MATK: variants seen among roughly 807,000 people sequenced by gnomAD.
MATK encodes megakaryocyte-associated tyrosine-protein kinase.
Under a neutral mutation model 59.8 loss-of-function variants are expected in MATK, and 41 were observed. That is an observed-to-expected ratio of 0.69 (90% CI 0.53 to 0.89). The LOEUF is 0.89. Among genes scored for constraint, MATK ranks in the 40% least tolerant of loss-of-function variants. The pLI is 0.00. For synonymous variants in MATK, 308 were observed against 306.1 expected (o/e 1.01, Z -0.06); for missense variants, 593 against 719.6 (o/e 0.82, Z 2.01).
In MATK at chr19:3,778,571, A is replaced by G. The variant is rs1339567188; in HGVS notation, c.1222T>C (p.Trp408Arg). 6.2e-7 allele frequency: 1 copy of G among 1,613,438 alleles called. No homozygotes were observed. The highest frequency in any genetic ancestry group is 8.5e-7 in the Non-Finnish European group (1 of 1,179,780). Residue 408 changes from tryptophan to arginine, a missense_variant, in exon 13 of 14, where the codon TGG becomes CGG. Physicochemically the swap from Trp to Arg is moderately radical, Grantham distance 101 (BLOSUM62 -3). Transcript: ENST00000310132. ...TCCCAGAGCAGCACCCCAAAACTCC[A>G]GACATCCGACTTGCTGGTGAACTTC... ...HGKFTSKSDV[W>R]SFGVLLWEVF...
intron 11 of MATK, 84 bp from the exon 12 acceptor site, chr19:3,779,271 C>G: frequency 6.4e-7 from 1 of 1,552,776 alleles, no homozygotes. Context: ...CCTGGGGCCA[C>G]AAGCTCACAA....
At chr19:3,786,438 GC>G, upstream of MATK, 1 of 970,578 alleles carries the variant, frequency 1.0e-6, no homozygotes, top group Non-Finnish European at 1.2e-6. This position sits in a 1 kb window ranked among gnomAD's most constrained non-coding sequence, Gnocchi z 4.1. Flanking sequence ...CGCCTCCGCG[GC>G]CCCCGGCGCC....
intron 7 of MATK, among the ~76,000 whole-genome samples, chr19:3,782,119 C>T (rs1004144304): frequency 3.3e-5 from 5 of 152,174 alleles, no homozygotes; most frequent in Non-Finnish European, 7.4e-5. Flanking sequence ...CTACACAGTT[C>T]TTTACCTCTG....
intron 2 of MATK, 88 bp downstream of exon 2, chr19:3,784,976 C>A: frequency 6.9e-7 from 1 of 1,458,904 alleles, no homozygotes; most frequent in Non-Finnish European, 9.6e-7. Context: ...GGGGCGATGG[C>A]TGGGCAGGCA....
In MATK at chr19:3,781,597, C is replaced by T. The variant is rs201727713; in HGVS notation, c.742+10G>A. 9.4e-5 allele frequency: 152 copies of T among 1,613,814 alleles called. No homozygotes were observed. Among genetic ancestry groups the T allele is most frequent in the South Asian group, 7.1e-4 (65 of 91,080 alleles). On this transcript the variant is annotated intron_variant, in intron 8 of 13. Transcript: ENST00000310132. ...TTCCTTCAGCACCCCCAACCCAGTC[C>T]GCCACTCACCTCCAAACTCTCCCTC...
At chr19:3,786,527 AC>A, upstream of MATK, 3 of 343,416 alleles carry the variant, frequency 8.7e-6, no homozygotes, top group African/African-American at 2.3e-5. The surrounding 1 kb of genome is among the most constrained non-coding windows in gnomAD (Gnocchi z 4.1). Flanking sequence ...TCGGGCGTGC[AC>A]CCCCCACCCA....
At position 3,800,107 on chromosome 19, in the gene MATK, G is replaced by A. The variant is rs953794808; in HGVS notation, c.-58+1425C>T. Among the ~76,000 whole-genome samples, 37 of 143,796 alleles carry A rather than the reference G, an allele frequency of 2.6e-4. 1 individual carries two copies. Among genetic ancestry groups the A allele is most frequent in the Middle Eastern group, 8.5e-3 (2 of 234 alleles). The allele number at this position is 143,796 out of a possible 152,430, so 94.3% of individuals were successfully genotyped here. On this transcript the variant is annotated intron_variant, in intron 1 of 13. Coordinates refer to the MATK transcript ENST00000395045. The stretch of plus-strand genomic sequence containing the variant: ...CAGTGAGCCGAGATTGTGCCACTGC[G>A]CTCCAGCCTGGGCAACAGAGCGAGA...
intron 7 of MATK, among the ~76,000 whole-genome samples, chr19:3,781,994 G>A (rs1214840540): frequency 6.6e-6 from 1 of 152,152 alleles, no homozygotes; most frequent in Non-Finnish European, 1.5e-5. Context: ...TGCCCTCCAG[G>A]AACTCCCAGT....
rs753406082 is a variant in MATK at position 3,784,149 on chromosome 19, C to T, written c.337G>A (p.Ala113Thr). 8.7e-6 allele frequency: 14 copies of T among 1,612,288 alleles called. No individual in the cohort carries two copies. The highest frequency in any genetic ancestry group is 2.7e-5 in the African/African-American group (2 of 75,046). ...GGCATGAGGCTGAGCTTGGGGTCTGCGGAGAGGGCCTCCCGCTCCCGCAGC... is the reference window on the plus strand; with the variant it reads ...GGCATGAGGCTGAGCTTGGGGTCTGTGGAGAGGGCCTCCCGCTCCCGCAGC... Reference protein sequence around the residue: ...GALREREALSADPKLSLMPWF... With the variant: ...GALREREALSTDPKLSLMPWF... The change falls in exon 5 of 14, where the codon GCA becomes ACA. Residue 113 changes from alanine to threonine, a missense_variant. Physicochemically the swap from Ala to Thr is moderately conservative, Grantham distance 58. Transcript: ENST00000310132.
At chr19:3,778,961 A>G (rs2037357556) in intron 12 of MATK, 31 bp downstream of exon 12, 13 of 1,507,234 alleles carry the variant, frequency 8.6e-6, no homozygotes, top group Non-Finnish European at 1.1e-5. Context: ...GGGACCCCAA[A>G]GCCCCAGGGG....
chr19:3,787,869 G>C (rs936057616), upstream of MATK, among the ~76,000 whole-genome samples: 8 of 151,864 alleles, frequency 5.3e-5, no homozygotes, highest in African/African-American at 1.9e-4. Flanking sequence ...CCAGTTACAA[G>C]AGAATTACAG....
intron 8 of MATK, among the ~76,000 whole-genome samples, chr19:3,780,674 C>T (rs377705497): frequency 3.4e-4 from 52 of 151,604 alleles, no homozygotes; most frequent in African/African-American, 1.1e-3. Context: ...CCTCGTGATC[C>T]GCCCGCCTCA....
Position 3,779,557 on chromosome 19 carries a change from G to GTACA in MATK, c.899_902dup (p.Ile302ValfsTer127). The GTACA allele has an allele frequency of 6.2e-7, 1 of 1,611,916 alleles. No homozygotes were observed. Among genetic ancestry groups the GTACA allele is most frequent in the Non-Finnish European group, 8.5e-7 (1 of 1,179,504 alleles). Reference sequence around the variant, plus strand: ...CCTTGCTCACGTGCTCCATGACAATGTACAGCCCCTGGTGCAGGATCACGC... The same window carrying GTACA: ...CCTTGCTCACGTGCTCCATGACAATGTACATACAGCCCCTGGTGCAGGATCACGC... On this transcript the variant is annotated frameshift_variant, in exon 10 of 14. Coordinates refer to ENST00000310132, the MANE Select transcript of MATK (RefSeq NM_139355.3). LOFTEE classifies it high-confidence loss of function.
upstream of MATK, among the ~76,000 whole-genome samples, chr19:3,786,628 C>T (rs1380025021): frequency 6.6e-6 from 1 of 151,360 alleles, no homozygotes; most frequent in Non-Finnish European, 1.5e-5. This position sits in a 1 kb window ranked among gnomAD's most constrained non-coding sequence, Gnocchi z 4.1. Flanking sequence ...GCTGCCCGTC[C>T]GGGGAGATAA....
rs148529868 is a variant in MATK, at chr19:3,778,260, G to A, written c.1447C>T (p.Arg483Cys). Reference sequence around the variant, plus strand: ...ACGGAGGCTGGGGCACCTGCACTGCGTAGCTCCCGGGCCAGCTTCTCGGCC... The same window carrying A: ...ACGGAGGCTGGGGCACCTGCACTGCATAGCTCCCGGGCCAGCTTCTCGGCC... ...KLAEKLAREL[R>C]SAGAPASVSG... Residue 483 changes from arginine (R) to cysteine (C), a missense_variant, in exon 14 of 14, where the codon CGC (arginine) becomes TGC (cysteine). Transcript: ENST00000310132. 75 of 1,575,414 alleles carry A rather than the reference G, an allele frequency of 4.8e-5. No homozygotes were observed. Among genetic ancestry groups the A allele is most frequent in the Admixed American group, 1.6e-4 (8 of 48,524 alleles).
At chr19:3,779,344 C>G (rs761203915) in intron 11 of MATK, 34 bp downstream of exon 11, 9 of 1,609,552 alleles carry the variant, frequency 5.6e-6, no homozygotes, top group Non-Finnish European at 7.6e-6. Flanking sequence ...CCCCGACGAC[C>G]CCAGTGCCGC....
At position 3,800,649 on chromosome 19, in the gene MATK, GAAA is replaced by G. The variant is rs377731633; in HGVS notation, c.-58+880_-58+882del. ...CAACGGGAGCAAAACTCCGTCTTCAGAAAAAAAAAGGAAAAGAAAGCAGAAGGG... is the reference window on the plus strand; with the variant it reads ...CAACGGGAGCAAAACTCCGTCTTCAGAAAAAAGGAAAAGAAAGCAGAAGGG... On this transcript the variant is annotated intron_variant, in intron 1 of 13. Transcript: ENST00000395045. Among the ~76,000 whole-genome samples the G allele has an allele frequency of 5.3e-3, 788 of 150,022 alleles. 8 individuals are homozygous for G. The highest frequency in any genetic ancestry group is 0.018 in the African/African-American group (731 of 40,954).
At chr19:3,781,464 C>A (rs1352126483) in intron 8 of MATK, 143 bp downstream of exon 8, 1 of 836,968 alleles carries the variant, frequency 1.2e-6, no homozygotes, top group Non-Finnish European at 2.0e-6. Context: ...GAGGGGGAAA[C>A]TGAGGCTCAG....
In MATK at chr19:3,784,175, G is replaced by A. The variant is rs373715019; in HGVS notation, c.311C>T (p.Ala104Val). The A allele has an allele frequency of 2.5e-5, 41 of 1,613,270 alleles. No homozygotes were observed. Among genetic ancestry groups the A allele is most frequent in the African/African-American group, 2.3e-4 (17 of 74,928 alleles). ...SGQEGLLAAGALREREALSAD... is the reference protein window; with the variant it reads ...SGQEGLLAAGVLREREALSAD... The stretch of plus-strand genomic sequence containing the variant: ...GGAGAGGGCCTCCCGCTCCCGCAGC[G>A]CCCCAGCTGCCAGCAGCCCCTCCTG... The change falls in exon 5 of 14, where the codon GCG becomes GTG. Residue 104 changes from alanine (A) to valine (V), a missense_variant. By Grantham distance (64) the Ala-to-Val change is moderately conservative. Coordinates refer to ENST00000310132, the MANE Select transcript of MATK (RefSeq NM_139355.3).
Sources: gnomAD v4.1 joint callset for allele counts (sites outside exome capture counted in the v4.1 genomes callset) on GRCh38, gnomAD v4.1.1 for gene constraint, Gnocchi (gnomAD v3.1) non-coding constraint, MANE v1.5 for transcripts, NCBI Gene and HGNC (gene_info 2026-07-23, HGNC 2026-07-21) for gene names.